Variants in TRPC4AP observed in about 807,000 individuals in gnomAD.
TRPC4AP encodes the protein transient receptor potential cation channel subfamily C member 4 associated protein.
Under a neutral mutation model 99.0 loss-of-function variants are expected in TRPC4AP, and 45 were observed. The ratio of observed to expected loss-of-function variants is 0.45; its 90% CI spans 0.36 to 0.58. The LOEUF is 0.58. Among genes scored for constraint, TRPC4AP ranks in the 20% least tolerant of loss-of-function variants. The pLI, the probability that TRPC4AP is intolerant of heterozygous loss-of-function variation, is 0.00. For missense variants in TRPC4AP, 879 were observed against 985.3 expected (o/e 0.89, Z 1.44); for synonymous variants, 408 against 385.8 (o/e 1.06, Z -0.67).
At chr20:35,035,586 G>T (rs1206723191) in intron 7 of TRPC4AP, among the ~76,000 whole-genome samples, 1 of 152,156 alleles carries the variant, frequency 6.6e-6, no homozygotes, top group Non-Finnish European at 1.5e-5. Flanking sequence ...TGAGCCAAGA[G>T]GTCAATTTCT....
intron 3 of TRPC4AP, among the ~76,000 whole-genome samples, chr20:35,059,520 C>A (rs561374315): frequency 1.3e-5 from 2 of 151,908 alleles, no homozygotes; most frequent in Non-Finnish European, 2.9e-5. Context: ...ATTAGCTGGG[C>A]GTGGTGGTAC....
At chr20:35,054,261 T>C (rs1291231760) in intron 5 of TRPC4AP, among the ~76,000 whole-genome samples, 1 of 152,134 alleles carries the variant, frequency 6.6e-6, no homozygotes, top group African/African-American at 2.4e-5. Context: ...CTGCCATGTA[T>C]TATGATTCAC....
Position 35,007,509 on chromosome 20 carries a change from G to T in TRPC4AP, c.1686+41C>A, listed in dbSNP as rs371721115. ...CAGGACACAGCAACGCGTGGGCTGG[G>T]GGGAGACGGAACCCAAGACACTGGC... On this transcript the variant is annotated intron_variant, in intron 14 of 18. Transcript: ENST00000252015. 32 of 1,600,142 alleles carry T rather than the reference G, an allele frequency of 2.0e-5. No individual in the cohort carries two copies. In the African/African-American group the frequency reaches 3.3e-4, roughly 17 times the overall value.
At chr20:35,034,369 G>C (rs1046900171) in intron 8 of TRPC4AP, among the ~76,000 whole-genome samples, 1 of 151,910 alleles carries the variant, frequency 6.6e-6, no homozygotes, top group Non-Finnish European at 1.5e-5. Flanking sequence ...GAGCAAGCTA[G>C]GGCAAAGGTG....
intron 1 of TRPC4AP, among the ~76,000 whole-genome samples, chr20:35,084,504 G>A (rs1043085812): frequency 6.9e-6 from 1 of 145,828 alleles, no homozygotes; most frequent in Non-Finnish European, 1.5e-5. Context: ...ATCTATATAT[G>A]TATATACGTA....
chr20:35,007,365 G>A (rs555687398), intron 14 of TRPC4AP, among the ~76,000 whole-genome samples, 185 bp downstream of exon 14: 9 of 152,280 alleles, frequency 5.9e-5, no homozygotes, highest in Admixed American at 2.6e-4. Flanking sequence ...CTGTCACCCC[G>A]TAAGCACCCA....
At chr20:35,004,395 C>A (rs1251108956) in intron 17 of TRPC4AP, 63 bp downstream of exon 17, 1 of 1,434,436 alleles carries the variant, frequency 7.0e-7, no homozygotes, top group Non-Finnish European at 9.6e-7. Flanking sequence ...CTGCTGGGCA[C>A]CAGGACAAAG....
intron 10 of TRPC4AP, among the ~76,000 whole-genome samples, 196 bp from the exon 11 acceptor site, chr20:35,013,262 C>T (rs773030419): frequency 1.3e-5 from 2 of 152,082 alleles, no homozygotes; most frequent in Non-Finnish European, 2.9e-5. Flanking sequence ...GGCCCCCTTC[C>T]TGCTAAAAAC....
chr20:35,037,378 T>C (rs1193755611), intron 7 of TRPC4AP, among the ~76,000 whole-genome samples: 2 of 124,620 alleles, frequency 1.6e-5, no homozygotes. Context: ...AAGTCAAACA[T>C]AAAATTACCA....
chr20:35,021,769 A>G (rs2082896734), intron 8 of TRPC4AP, among the ~76,000 whole-genome samples: 1 of 152,190 alleles, frequency 6.6e-6, no homozygotes, highest in Non-Finnish European at 1.5e-5. Flanking sequence ...CTGAGACTCC[A>G]TGAGGGACAC....
intron 2 of TRPC4AP, among the ~76,000 whole-genome samples, chr20:35,072,182 C>T (rs1371078529): frequency 1.3e-5 from 2 of 152,144 alleles, no homozygotes; most frequent in African/African-American, 4.8e-5. Flanking sequence ...TGGATATTAG[C>T]CCTTTGTCAG....
rs747566213 is a variant in TRPC4AP at position 35,007,627 on chromosome 20, G to A, written c.1609C>T (p.Arg537Trp). The change falls in exon 14 of 19, where the codon CGG (arginine) becomes TGG (tryptophan). Residue 537 changes from arginine (R) to tryptophan (W), a missense_variant. Arg to Trp is a moderately radical substitution (Grantham distance 101). This residue lies in a region of TRPC4AP where 52 missense variants were observed against 88.7 expected (regional missense o/e 0.59). Coordinates refer to ENST00000252015, the MANE Select transcript of TRPC4AP (RefSeq NM_015638.3). ...CCTCGGAGGAAACTCTCCACAGCCCGAGCTTGCCAAAACCTGCGACCCAAA... is the reference window on the plus strand; with the variant it reads ...CCTCGGAGGAAACTCTCCACAGCCCAAGCTTGCCAAAACCTGCGACCCAAA... ...AESSFRFWQA[R>W]AVESFLRGTT... 2 of 1,614,190 alleles carry A rather than the reference G, an allele frequency of 1.2e-6. No homozygotes were observed. The highest frequency in any genetic ancestry group is 1.7e-5 in the Admixed American group (1 of 60,028).
intron 7 of TRPC4AP, among the ~76,000 whole-genome samples, chr20:35,037,050 G>T (rs1376692051): frequency 6.8e-6 from 1 of 147,790 alleles, no homozygotes; most frequent in African/African-American, 2.5e-5. Context: ...CTACATTGAG[G>T]TTCCTCAAAA....
chr20:35,003,249 G>GT lies in TRPC4AP; in HGVS notation c.2290dup (p.Thr764AsnfsTer18). 6.2e-7 allele frequency: 1 copy of GT among 1,614,186 alleles called. No individual in the cohort carries two copies. The highest frequency in any genetic ancestry group is 8.5e-7 in the Non-Finnish European group (1 of 1,180,026). On this transcript the variant is annotated frameshift_variant, in exon 19 of 19. Transcript: ENST00000252015. LOFTEE classifies it high-confidence loss of function. ...GTCCGGGTTCAACAGGATGGACACT[G>GT]TCTCCTTCCAGTATGAGAAGCTGAT...
At chr20:35,079,547 T>C (rs564902887) in intron 1 of TRPC4AP, among the ~76,000 whole-genome samples, 67 of 152,036 alleles carry the variant, frequency 4.4e-4, no homozygotes, top group African/African-American at 1.6e-3. Context: ...CAAACATCAC[T>C]GAAATTGAAA....
At chr20:35,025,088 C>T (rs1368316525) in intron 8 of TRPC4AP, among the ~76,000 whole-genome samples, 1 of 152,144 alleles carries the variant, frequency 6.6e-6, no homozygotes, top group Non-Finnish European at 1.5e-5. Context: ...TCTACATGCC[C>T]ACTAATAGTG....
chr20:35,086,525 A>ATGTGTG lies in TRPC4AP; in HGVS notation c.168+6083_168+6088dup, dbSNP rs1176461079. Among the ~76,000 whole-genome samples the ATGTGTG allele has an allele frequency of 4.9e-4, 34 of 69,188 alleles. 1 individual carries two copies. The highest frequency in any genetic ancestry group is 7.9e-4 in the Non-Finnish European group (28 of 35,368). 45.4% of individuals were successfully genotyped at this position (69,188 alleles called of 152,430 possible). Reference sequence around the variant, plus strand: ...TATATATATGTGTGTGTGTGTATATATGTGTGTGTGTGTGTGTGTGTGTGT... The same window carrying ATGTGTG: ...TATATATATGTGTGTGTGTGTATATATGTGTGTGTGTGTGTGTGTGTGTGTGTGTGT... On this transcript the variant is annotated intron_variant, in intron 1 of 18. Coordinates refer to ENST00000252015, the MANE Select transcript of TRPC4AP (RefSeq NM_015638.3).
At position 35,021,098 on chromosome 20, in the gene TRPC4AP, T is replaced by C. The variant is rs1282149682; in HGVS notation, c.1218+92A>G. 3 of 1,418,586 alleles carry C rather than the reference T, an allele frequency of 2.1e-6. No individual in the cohort carries two copies. In the Admixed American group the frequency reaches 5.8e-5, roughly 27 times the overall value. The allele number at this position is 1,418,586 out of a possible 1,614,324, so 87.9% of individuals were successfully genotyped here. ...TTTGCCAGGCTAAAGCGAGAGCCAT[T>C]CTAACAGAAGGCCCAGTGGAGCACC... is the stretch of plus-strand genomic sequence containing the variant. On this transcript the variant is annotated intron_variant, in intron 9 of 18. Coordinates refer to ENST00000252015, the MANE Select transcript of TRPC4AP (RefSeq NM_015638.3).
Position 35,005,710 on chromosome 20 carries a change from G to A in TRPC4AP, c.1921C>T (p.Gln641Ter). The stretch of plus-strand genomic sequence containing the variant: ...TTTCATGTACCTTTCATATCCACCT[G>A]GTTTTCAAATCGGTCCAGGGACAGA... ...VTLSLDRFEN[Q>*]VDMKVAEVLS... Residue 641 changes from glutamine (Q) to a stop codon, truncating the protein, a stop_gained, in exon 16 of 19, where the codon CAG becomes TAG. Coordinates refer to ENST00000252015, the MANE Select transcript of TRPC4AP (RefSeq NM_015638.3). LOFTEE classifies it high-confidence loss of function. 1 of 1,614,058 alleles carries A rather than the reference G, an allele frequency of 6.2e-7. No homozygotes were observed. The highest frequency in any genetic ancestry group is 1.3e-5 in the African/African-American group (1 of 75,024).
Sources: gnomAD v4.1 joint callset for allele counts (sites outside exome capture counted in the v4.1 genomes callset) on GRCh38, gnomAD v4.1.1 for gene constraint, gnomAD v4.1.1 regional missense constraint, MANE v1.5 for transcripts, NCBI Gene and HGNC (gene_info 2026-07-23, HGNC 2026-07-21) for gene names.